Variants in POU2F2 observed in about 807,000 individuals in gnomAD.
POU2F2 encodes POU domain, class 2, transcription factor 2.
POU2F2 carries 14 observed loss-of-function variants against 63.5 expected under a neutral mutation model. The ratio of observed to expected loss-of-function variants is 0.22; its 90% CI spans 0.15 to 0.34. POU2F2 has a LOEUF of 0.34. Among genes scored for constraint, POU2F2 ranks in the 10% least tolerant of loss-of-function variants. POU2F2 has a pLI of 1.00. For synonymous variants in POU2F2, 306 were observed against 348.6 expected, an observed-to-expected ratio of 0.88 and a Z score of 1.36; for missense variants, 607 against 815.2, an observed-to-expected ratio of 0.74 and a Z score of 3.11.
In POU2F2 at chr19:42,089,251, GGAGA is replaced by G. The variant is rs1320017935; in HGVS notation, c.*2002_*2005del. On this transcript the variant is annotated 3_prime_UTR_variant, in exon 15 of 15. Transcript: ENST00000692977. ...GAGAGAGGAGACAGGAAGGAGGAGAGGAGAGAGGAAGGAGGGGAGGAGAGAGGAA... is the reference window on the plus strand; with the variant it reads ...GAGAGAGGAGACAGGAAGGAGGAGAGGAGGAAGGAGGGGAGGAGAGAGGAA... 6.6e-6 allele frequency: 1 copy of G among 152,444 alleles called. No homozygotes were observed. The highest frequency in any genetic ancestry group is 2.4e-5 in the African/African-American group (1 of 41,324). The allele number at this position is 152,444 out of a possible 1,614,324, so 9.4% of individuals were successfully genotyped here.
chr19:42,105,320 G>T (rs771148263), intron 5 of POU2F2, among the ~76,000 whole-genome samples: 1 of 152,176 alleles, frequency 6.6e-6, no homozygotes, highest in Non-Finnish European at 1.5e-5. Flanking sequence ...GACTCTAGCA[G>T]ACCAGAGGCA....
Position 42,095,795 on chromosome 19 carries a change from G to T in POU2F2, c.864C>A (p.Asn288Lys). The T allele has an allele frequency of 1.2e-6, 2 of 1,613,974 alleles. No homozygotes were observed. Among genetic ancestry groups the T allele is most frequent in the Non-Finnish European group, 1.7e-6 (2 of 1,179,902 alleles). ...KLKPLLEKWL[N>K]DAETMSVDSS... ...ACCCCAGCCTGGTCCCACCTGCATCGTTGAGCCACTTCTCCAGGAGGGGCT... is the reference window on the plus strand; with the variant it reads ...ACCCCAGCCTGGTCCCACCTGCATCTTTGAGCCACTTCTCCAGGAGGGGCT... The change falls in exon 9 of 15, where the codon AAC becomes AAA. Residue 288 changes from asparagine (N) to lysine (K), a missense_variant. This residue lies in a region of POU2F2 where 39 missense variants were observed against 36.3 expected (regional missense o/e 1.07). Transcript: ENST00000692977. This position sits in a 1 kb window ranked among gnomAD's most constrained non-coding sequence, Gnocchi z 7.1.
At chr19:42,193,512 A>T (rs373140236) in intron 1 of POU2F2, among the ~76,000 whole-genome samples, 61 of 152,322 alleles carry the variant, frequency 4.0e-4, no homozygotes, top group African/African-American at 1.4e-3. Context: ...GGTGGCTACC[A>T]GAAGCTGAGA....
chr19:42,171,459 T>TGTGA, intron 1 of POU2F2, among the ~76,000 whole-genome samples: 1 of 151,764 alleles, frequency 6.6e-6, no homozygotes, highest in African/African-American at 2.4e-5. Flanking sequence ...TGTGTGTGTG[T>TGTGA]GTGTGTGTGT....
chr19:42,118,696 G>T (rs2032220501), intron 4 of POU2F2, among the ~76,000 whole-genome samples: 1 of 152,254 alleles, frequency 6.6e-6, no homozygotes, highest in African/African-American at 2.4e-5. Flanking sequence ...AACAGCAGTT[G>T]TTGGCTGAAA....
chr19:42,164,923 C>T lies in POU2F2; in HGVS notation c.-69-4531G>A, dbSNP rs537926202. Among the ~76,000 whole-genome samples, 4 of 151,002 alleles carry T rather than the reference C, an allele frequency of 2.6e-5. No individual in the cohort carries two copies. The South Asian group carries it at 8.4e-4, about 32-fold the overall frequency. ...GCTGCAGTGAGCTGAGATCTCTCCA[C>T]TGCACTCCAGCCTGGGTGACAGGCT... is the stretch of plus-strand genomic sequence containing the variant. On this transcript the variant is annotated intron_variant, in intron 1 of 6. Transcript: ENST00000524801.
intron 1 of POU2F2, chr19:42,160,495 C>T (rs2034532819): frequency 1.3e-5 from 2 of 152,210 alleles, no homozygotes; most frequent in Non-Finnish European, 2.9e-5. Flanking sequence ...GTCACATCAT[C>T]AGGAGCTGCA....
At chr19:42,118,832 G>A (rs560691419) in intron 4 of POU2F2, among the ~76,000 whole-genome samples, 1 of 152,352 alleles carries the variant, frequency 6.6e-6, no homozygotes, top group South Asian at 2.1e-4. Flanking sequence ...TTTTGTAAAA[G>A]GAAGTCCAGA....
intron 2 of POU2F2, among the ~76,000 whole-genome samples, chr19:42,142,089 A>G (rs116790762): frequency 1.3e-3 from 201 of 152,358 alleles, no homozygotes; most frequent in African/African-American, 4.3e-3. Flanking sequence ...TCTATTTTTA[A>G]AAACTGTATC....
Position 42,095,761 on chromosome 19 carries a change from T to C in POU2F2, c.871+27A>G, listed in dbSNP as rs1274113830. ...CGGCCAGCGGCCACTGCCCGCCCCC[T>C]ACGCGGGAACCCCAGCCTGGTCCCA... On this transcript the variant is annotated intron_variant, in intron 9 of 14. Coordinates refer to ENST00000692977, the MANE Select transcript of POU2F2 (RefSeq NM_001394376.1). This position sits in a 1 kb window ranked among gnomAD's most constrained non-coding sequence, Gnocchi z 7.1. 2.8e-5 allele frequency: 45 copies of C among 1,613,586 alleles called. No homozygotes were observed. The highest frequency in any genetic ancestry group is 3.8e-5 in the Non-Finnish European group (45 of 1,179,884).
intron 5 of POU2F2, among the ~76,000 whole-genome samples, chr19:42,109,746 C>T (rs2030772588): frequency 6.6e-6 from 1 of 152,142 alleles, no homozygotes; most frequent in Non-Finnish European, 1.5e-5. Context: ...CTCAGGCCAT[C>T]CTCCCGCTTC....
chr19:42,107,868 G>A (rs961549145), intron 5 of POU2F2, among the ~76,000 whole-genome samples: 32 of 152,018 alleles, frequency 2.1e-4, no homozygotes, highest in African/African-American at 6.8e-4. Context: ...CACCACCCCC[G>A]CTTACCTCTC....
At chr19:42,130,892 C>G (rs1476978929) in intron 1 of POU2F2, among the ~76,000 whole-genome samples, 2 of 145,620 alleles carry the variant, frequency 1.4e-5, no homozygotes, top group African/African-American at 2.5e-5. Context: ...GTCCCCCTAT[C>G]CCAGCCCTGA....
At chr19:42,172,710 G>A (rs1418536462) in intron 1 of POU2F2, among the ~76,000 whole-genome samples, 2 of 152,186 alleles carry the variant, frequency 1.3e-5, no homozygotes, top group Non-Finnish European at 2.9e-5. Flanking sequence ...CTGATGGAAC[G>A]AGCTCAACCA....
chr19:42,148,522 G>A (rs529441849), intron 2 of POU2F2, among the ~76,000 whole-genome samples: 1 of 152,278 alleles, frequency 6.6e-6, no homozygotes, highest in East Asian at 1.9e-4. Context: ...AACTGTGAAA[G>A]CTGCACTAAT....
rs1249613502 is a variant in POU2F2 at position 42,155,356 on chromosome 19, C to G, written c.-9+4976G>C. ...CCTCTCCGTTGCTCTGTTCCCCTCT[C>G]TGTGTTTCTGTCATGAGGTGCATGC... On this transcript the variant is annotated intron_variant, in intron 2 of 6. Transcript: ENST00000524801. The surrounding 1 kb of genome is among the most constrained non-coding windows in gnomAD (Gnocchi z 4.2). Among the ~76,000 whole-genome samples, 1 of 152,168 alleles carries G rather than the reference C, an allele frequency of 6.6e-6. No individual in the cohort carries two copies. The highest frequency in any genetic ancestry group is 1.5e-5 in the Non-Finnish European group (1 of 68,022).
chr19:42,177,402 G>A (rs2034906794), upstream of POU2F2: 1 of 152,378 alleles, frequency 6.6e-6, no homozygotes, highest in Admixed American at 6.5e-5. Flanking sequence ...GCCCAAGGAT[G>A]CTCAGAGAGA....
chr19:42,105,995 TCTTTTTTCTTTCTTTCTTTC>T (rs2029864214), intron 5 of POU2F2, among the ~76,000 whole-genome samples: 1 of 143,404 alleles, frequency 7.0e-6, no homozygotes, highest in African/African-American at 2.6e-5. Context: ...ATAGGATCTT[TCTTTTTTCTTTCTTTCTTTC>T]TTTCTTTCTT....
At chr19:42,183,727 C>T (rs1302449619) in intron 1 of POU2F2, among the ~76,000 whole-genome samples, 8 of 152,028 alleles carry the variant, frequency 5.3e-5, no homozygotes, top group Non-Finnish European at 8.8e-5. Context: ...AGAGGTGATG[C>T]CTGAGATAAG....
Sources: gnomAD v4.1 joint callset for allele counts (sites outside exome capture counted in the v4.1 genomes callset) on GRCh38, gnomAD v4.1.1 for gene constraint, gnomAD v4.1.1 regional missense constraint, Gnocchi (gnomAD v3.1) non-coding constraint, MANE v1.5 for transcripts, NCBI Gene and HGNC (gene_info 2026-07-23, HGNC 2026-07-21) for gene names.